Variants in TXNDC5 observed in about 807,000 individuals in gnomAD.
The protein encoded by TXNDC5 is thioredoxin domain-containing protein 5.
TXNDC5 carries 44 observed loss-of-function variants against 52.6 expected under a neutral mutation model. That is an observed-to-expected ratio of 0.84 (90% CI 0.66 to 1.08). The LOEUF (loss-of-function observed/expected upper bound fraction) is 1.08, where lower values mean the gene tolerates loss of function less well. Ranked by LOEUF, TXNDC5 falls within the 50% of genes least tolerant of loss-of-function variation. TXNDC5 has a pLI of 0.00. For synonymous variants in TXNDC5, 241 were observed against 234.4 expected (o/e 1.03, Z -0.26); for missense variants, 600 against 565.5 (o/e 1.06, Z -0.62).
chr6:7,907,228 G>C (rs1760767418), intron 1 of TXNDC5, among the ~76,000 whole-genome samples: 1 of 147,088 alleles, frequency 6.8e-6, no homozygotes, highest in Admixed American at 6.8e-5. Flanking sequence ...AAATAAGTTT[G>C]TGGTGCGCTA....
chr6:7,901,066 T>C (rs753257731), intron 2 of TXNDC5, among the ~76,000 whole-genome samples: 13 of 152,172 alleles, frequency 8.5e-5, no homozygotes, highest in Non-Finnish European at 1.3e-4. Context: ...TGATGGGGCA[T>C]AGGTAGGGTC....
chr6:7,884,252 A>AT, intron 9 of TXNDC5, 107 bp downstream of exon 9: 1 of 1,460,088 alleles, frequency 6.8e-7, no homozygotes, highest in Admixed American at 2.0e-5. Flanking sequence ...TAAAAACCAC[A>AT]TTGTTGAGAA....
intron 4 of TXNDC5, chr6:7,894,627 C>G: frequency 1.2e-6 from 1 of 801,882 alleles, no homozygotes; most frequent in Non-Finnish European, 1.5e-6. Context: ...AGCATTACTT[C>G]TTTAAAAACA....
At chr6:7,884,295 C>A in intron 9 of TXNDC5, 64 bp downstream of exon 9, 1 of 1,598,152 alleles carries the variant, frequency 6.3e-7, no homozygotes. Flanking sequence ...GTGGTTGAGG[C>A]ACAGTTCCCT....
In TXNDC5 at chr6:7,885,965, G is replaced by C; in HGVS notation, c.1042C>G (p.Pro348Ala). 2 of 1,613,930 alleles carry C rather than the reference G, an allele frequency of 1.2e-6. No individual in the cohort carries two copies. Among genetic ancestry groups the C allele is most frequent in the Non-Finnish European group, 1.7e-6 (2 of 1,179,942 alleles). The change falls in exon 8 of 10, where the codon CCA (proline) becomes GCA (alanine). Residue 348 changes from proline to alanine, a missense_variant. Physicochemically the swap from Pro to Ala is conservative, Grantham distance 27. Coordinates refer to ENST00000379757, the MANE Select transcript of TXNDC5 (RefSeq NM_030810.5). ...EGITFIKFYA[P>A]WCGHCKTLAP... Reference sequence around the variant, plus strand: ...TCTAATTAAACAGCCACTTACCATGGAGCATAAAACTTGATGAAGGTTATT... The same window carrying C: ...TCTAATTAAACAGCCACTTACCATGCAGCATAAAACTTGATGAAGGTTATT...
At position 7,910,698 on chromosome 6, in the gene TXNDC5, C is replaced by CCAGCAG. The variant is rs775841007; in HGVS notation, c.73_78dup (p.Leu25_Leu26dup). 222 of 1,092,938 alleles carry CCAGCAG rather than the reference C, an allele frequency of 2.0e-4. No homozygotes were observed. Among genetic ancestry groups the CCAGCAG allele is most frequent in the African/African-American group, 3.2e-4 (19 of 58,976 alleles). The allele number at this position is 1,092,938 out of a possible 1,614,324, so 67.7% of individuals were successfully genotyped here. ...CCCCAGCGCCCGCCGCCGCCATGGCCCAGCAGCAGCAGCAGCAGCGCAGTC... is the reference window on the plus strand; with the variant it reads ...CCCCAGCGCCCGCCGCCGCCATGGCCCAGCAGCAGCAGCAGCAGCAGCAGCGCAGTC... On this transcript the variant is annotated inframe_insertion, in exon 1 of 10. Coordinates refer to ENST00000379757, the MANE Select transcript of TXNDC5 (RefSeq NM_030810.5).
intron 4 of TXNDC5, among the ~76,000 whole-genome samples, chr6:7,893,098 GA>G (rs1188873204): frequency 6.6e-6 from 1 of 152,104 alleles, no homozygotes; most frequent in Non-Finnish European, 1.5e-5. Flanking sequence ...TGGCTACGGG[GA>G]AAAAAACAAA....
At chr6:7,910,438 C>A (rs958526293) in intron 1 of TXNDC5, 76 bp downstream of exon 1, 35 of 1,264,126 alleles carry the variant, frequency 2.8e-5, no homozygotes, top group African/African-American at 6.5e-5. Flanking sequence ...CGGGACCCCC[C>A]GCCCGCGGCG....
At chr6:7,891,122 A>T (rs2113334963) in intron 5 of TXNDC5, among the ~76,000 whole-genome samples, 1 of 152,354 alleles carries the variant, frequency 6.6e-6, no homozygotes, top group South Asian at 2.1e-4. Flanking sequence ...CAGAAAATCC[A>T]GTTACACAGA....
At chr6:7,885,674 C>T (rs1759942900) in intron 8 of TXNDC5, among the ~76,000 whole-genome samples, 1 of 152,188 alleles carries the variant, frequency 6.6e-6, no homozygotes. Flanking sequence ...AATTTGCCTC[C>T]ATTTTTATGT....
chr6:7,898,335 C>T (rs1049109775), intron 3 of TXNDC5, among the ~76,000 whole-genome samples: 65 of 152,178 alleles, frequency 4.3e-4, no homozygotes, highest in African/African-American at 1.4e-3. Flanking sequence ...GGATTACAGG[C>T]ATGAGCCACC....
chr6:7,898,110 G>C (rs1760437590), intron 3 of TXNDC5, among the ~76,000 whole-genome samples: 1 of 152,048 alleles, frequency 6.6e-6, no homozygotes, highest in Non-Finnish European at 1.5e-5. Context: ...GCATAGGCTG[G>C]AGTGCAGTGG....
At chr6:7,906,535 C>CAAAAAAAAAAAAAAAAAAAA (rs1207193194) in intron 1 of TXNDC5, among the ~76,000 whole-genome samples, 1 of 42,572 alleles carries the variant, frequency 2.3e-5, no homozygotes, top group Non-Finnish European at 3.9e-5. Flanking sequence ...GACTCCATCT[C>CAAAAAAAAAAAAAAAAAAAA]AAAAAAAAAA....
rs545105682 is a variant in TXNDC5, at chr6:7,883,281, G to GA, written c.1177-16dup. On this transcript the variant is annotated splice_polypyrimidine_tract_variant and intron_variant, in intron 9 of 9. Transcript: ENST00000379757. ...TAGCCTCGTACCTTAAAACAAAAAA[G>GA]AAAAAAGTTTGCAAACCAGCGGTCC... 6.2e-6 allele frequency: 10 copies of GA among 1,613,384 alleles called. No individual in the cohort carries two copies. In the Admixed American group the frequency reaches 1.5e-4, roughly 24 times the overall value.
At position 7,886,145 on chromosome 6, in the gene TXNDC5, G is replaced by A. The variant is rs1016252222; in HGVS notation, c.964-102C>T. On this transcript the variant is annotated intron_variant, in intron 7 of 9. Coordinates refer to ENST00000379757, the MANE Select transcript of TXNDC5 (RefSeq NM_030810.5). ...CACGAATCAGTAATTTTTTAAAAAT[G>A]CAGTTACGTAGGCTCCAAGGTCACA... The A allele has an allele frequency of 7.1e-6, 7 of 982,256 alleles. No homozygotes were observed. In the African/African-American group the frequency reaches 1.1e-4, roughly 16 times the overall value. 60.8% of individuals were successfully genotyped at this position (982,256 alleles called of 1,614,324 possible).
At position 7,889,360 on chromosome 6, in the gene TXNDC5, A is replaced by G. The variant is rs1760115126; in HGVS notation, c.819+135T>C. On this transcript the variant is annotated intron_variant, in intron 6 of 9. Coordinates refer to ENST00000379757, the MANE Select transcript of TXNDC5 (RefSeq NM_030810.5). Reference sequence around the variant, plus strand: ...CAATTAAGAGAAAGACGTTTGTTTCATTATACACATTTCTCCAAACCAGTG... The same window carrying G: ...CAATTAAGAGAAAGACGTTTGTTTCGTTATACACATTTCTCCAAACCAGTG... 1.4e-5 allele frequency: 10 copies of G among 693,348 alleles called. No individual in the cohort carries two copies. In the Admixed American group the frequency reaches 2.9e-4, roughly 20 times the overall value. 42.9% of individuals were successfully genotyped at this position (693,348 alleles called of 1,614,324 possible).
At chr6:7,897,841 C>A (rs1760425277) in intron 3 of TXNDC5, among the ~76,000 whole-genome samples, 2 of 152,208 alleles carry the variant, frequency 1.3e-5, no homozygotes, top group African/African-American at 2.4e-5. Context: ...AATTGGTTTG[C>A]TACCATCCAA....
chr6:7,893,408 G>T (rs1308292677), intron 4 of TXNDC5, among the ~76,000 whole-genome samples: 1 of 152,286 alleles, frequency 6.6e-6, no homozygotes, highest in African/African-American at 2.4e-5. Context: ...TGCACTGTAA[G>T]GTGGAGACAG....
chr6:7,891,524 G>T, intron 5 of TXNDC5, 97 bp downstream of exon 5: 1 of 906,752 alleles, frequency 1.1e-6, no homozygotes, highest in Non-Finnish European at 1.7e-6. Flanking sequence ...AATAAATCAA[G>T]TTTGCGACTT....
Sources: gnomAD v4.1 joint callset for allele counts (sites outside exome capture counted in the v4.1 genomes callset) on GRCh38, gnomAD v4.1.1 for gene constraint, MANE v1.5 for transcripts, NCBI Gene and HGNC (gene_info 2026-07-23, HGNC 2026-07-21) for gene names.